Variants in CDKL5 observed in about 807,000 individuals in gnomAD.
CDKL5 encodes the protein cyclin-dependent kinase-like 5.
Under a neutral mutation model 61.7 loss-of-function variants are expected in CDKL5, and 8 were observed. The ratio of observed to expected loss-of-function variants is 0.13; its 90% CI spans 0.08 to 0.23. CDKL5 has a LOEUF of 0.23. Among genes scored for constraint, CDKL5 ranks in the 10% least tolerant of loss-of-function variants. The probability of loss-of-function intolerance (pLI) is 1.00; values close to 1 mark genes in which losing one functional copy is unlikely to be tolerated. For missense variants in CDKL5, 440 were observed against 734.5 expected (o/e 0.60, Z 4.63); for synonymous variants, 275 against 272.3 (o/e 1.01, Z -0.10).
intron 2 of CDKL5, among the ~76,000 whole-genome samples, chrX:18,507,973 G>A (rs1474377892): frequency 1.8e-5 from 2 of 110,863 alleles, no homozygotes; most frequent in Non-Finnish European, 3.8e-5. Context: ...CATGACCAAT[G>A]ATATACCATT....
intron 5 of CDKL5, among the ~76,000 whole-genome samples, chrX:18,578,859 A>G (rs1256441163): frequency 1.8e-5 from 2 of 112,252 alleles, no homozygotes; most frequent in Non-Finnish European, 3.8e-5. Flanking sequence ...TGCTTCATCA[A>G]AGATGTCCTT....
intron 1 of CDKL5, among the ~76,000 whole-genome samples, chrX:18,433,105 G>A (rs1179352276): frequency 9.2e-6 from 1 of 109,143 alleles, no homozygotes; most frequent in Non-Finnish European, 1.9e-5. Context: ...GTGTGCACCT[G>A]TAGGCCCAAC....
At chrX:18,519,344 T>A (rs1923164651) in intron 3 of CDKL5, among the ~76,000 whole-genome samples, 1 of 112,172 alleles carries the variant, frequency 8.9e-6, no homozygotes, top group African/African-American at 3.2e-5. Context: ...AGAAAGAGTT[T>A]GCTGACTTCT....
chrX:18,466,476 A>G (rs1025706490), intron 1 of CDKL5, among the ~76,000 whole-genome samples: 18 of 111,589 alleles, frequency 1.6e-4, no homozygotes, highest in African/African-American at 5.2e-4. Flanking sequence ...CAAGTAGTGA[A>G]GTCACTAGTG....
chrX:18,536,686 T>C (rs1488983550), intron 3 of CDKL5, among the ~76,000 whole-genome samples: 1 of 109,693 alleles, frequency 9.1e-6, no homozygotes, highest in Non-Finnish European at 1.9e-5. Context: ...CCTCAGGTGA[T>C]CTGCCTGCCT....
chrX:18,468,397 A>G (rs762427370), intron 1 of CDKL5, among the ~76,000 whole-genome samples: 2 of 112,370 alleles, frequency 1.8e-5, no homozygotes, highest in South Asian at 7.3e-4. Context: ...TTCTTTTCCC[A>G]GTGGTGTTTT....
chrX:18,593,968 T>G (rs1400145321), intron 9 of CDKL5, among the ~76,000 whole-genome samples: 1 of 112,424 alleles, frequency 8.9e-6, no homozygotes, highest in Non-Finnish European at 1.9e-5. Context: ...AATTTATGGT[T>G]GCACAGTTTA....
chrX:18,630,561 G>T lies in CDKL5; in HGVS notation c.*1804G>T, dbSNP rs1017761905. The T allele has an allele frequency of 7.1e-5, 53 of 749,373 alleles. No individual in the cohort carries two copies. Among genetic ancestry groups the T allele is most frequent in the Non-Finnish European group, 8.2e-5 (52 of 637,538 alleles). The allele number at this position is 749,373 out of a possible 1,213,427, so 61.8% of individuals were successfully genotyped here. On this transcript the variant is annotated 3_prime_UTR_variant, in exon 18 of 18. Transcript: ENST00000623535. ...GAATCATAGCTCTGATGATTATGAA[G>T]ATTATAAAGACTAAGGTCCTAGTTT...
At chrX:18,501,620 T>C (rs971803932) in intron 1 of CDKL5, among the ~76,000 whole-genome samples, 7 of 111,266 alleles carry the variant, frequency 6.3e-5, no homozygotes, top group African/African-American at 1.3e-4. Flanking sequence ...AAGATCTCGG[T>C]TTACTGCAAC....
chrX:18,499,400 G>A (rs1202082222), intron 1 of CDKL5, among the ~76,000 whole-genome samples: 16 of 94,879 alleles, frequency 1.7e-4, no homozygotes, highest in African/African-American at 4.8e-4. Context: ...TCGCTCTGTC[G>A]CCGAGGCTAG....
intron 3 of CDKL5, among the ~76,000 whole-genome samples, chrX:18,545,525 G>T (rs1372749191): frequency 8.9e-6 from 1 of 111,941 alleles, no homozygotes; most frequent in Non-Finnish European, 1.9e-5. Flanking sequence ...TTATAATATA[G>T]CCGTGTTCCT....
At chrX:18,620,966 C>T (rs2057432822) in intron 16 of CDKL5, among the ~76,000 whole-genome samples, 1 of 111,927 alleles carries the variant, frequency 8.9e-6, no homozygotes, top group Admixed American at 9.5e-5. Context: ...TCTCGAACTC[C>T]TGAGCTCAAG....
At chrX:18,530,261 A>G (rs1923594389) in intron 3 of CDKL5, among the ~76,000 whole-genome samples, 1 of 104,752 alleles carries the variant, frequency 9.5e-6, no homozygotes, top group Non-Finnish European at 1.9e-5. Context: ...TGAACCTGGG[A>G]GGCGACAGAG....
chrX:18,493,012 C>G (rs1287291964), intron 1 of CDKL5, among the ~76,000 whole-genome samples: 1 of 111,552 alleles, frequency 9.0e-6, no homozygotes, highest in Non-Finnish European at 1.9e-5. Flanking sequence ...ACCCCCACCC[C>G]TCCCCACCTC....
At chrX:18,598,437 A>G in intron 10 of CDKL5, 25 bp from the exon 11 acceptor site, 1 of 1,180,627 alleles carries the variant, frequency 8.5e-7, no homozygotes, top group Non-Finnish European at 1.2e-6. Flanking sequence ...AATGTTCTTA[A>G]CGATCCTAAA....
At chrX:18,488,667 C>T (rs1569194010) in intron 1 of CDKL5, among the ~76,000 whole-genome samples, 1 of 111,761 alleles carries the variant, frequency 8.9e-6, no homozygotes, top group Non-Finnish European at 1.9e-5. Flanking sequence ...AATGATGGTG[C>T]CCTGGAGCCT....
chrX:18,516,971 T>G (rs1443782079), intron 3 of CDKL5, among the ~76,000 whole-genome samples: 3 of 111,612 alleles, frequency 2.7e-5, no homozygotes, highest in African/African-American at 6.5e-5. Flanking sequence ...CCTGACCTCA[T>G]GTGATCCACA....
intron 1 of CDKL5, among the ~76,000 whole-genome samples, chrX:18,433,976 C>T (rs1395518447): frequency 8.9e-6 from 1 of 112,289 alleles, no homozygotes; most frequent in East Asian, 2.8e-4. Context: ...TATTTAGACA[C>T]TGTGTCTACT....
At chrX:18,624,991 G>T (rs1926993705) in intron 16 of CDKL5, 137 bp from the exon 17 acceptor site, 2 of 562,920 alleles carry the variant, frequency 3.6e-6, no homozygotes, top group African/African-American at 2.3e-5. Context: ...GGGAGAGATT[G>T]GGGTTCTATT....
Sources: gnomAD v4.1 joint callset for allele counts (sites outside exome capture counted in the v4.1 genomes callset) on GRCh38, gnomAD v4.1.1 for gene constraint, MANE v1.5 for transcripts, NCBI Gene and HGNC (gene_info 2026-07-23, HGNC 2026-07-21) for gene names.